Variants in GNAI3 observed in about 807,000 individuals in gnomAD.
GNAI3 encodes the protein guanine nucleotide-binding protein G(i) subunit alpha-3.
GNAI3 carries 12 observed loss-of-function variants against 41.8 expected under a neutral mutation model. The observed-to-expected ratio is 0.29, with a 90% CI of 0.18 to 0.47. The LOEUF is 0.47. Ranked by LOEUF, GNAI3 falls within the 20% of genes least tolerant of loss-of-function variation. The pLI, the probability that GNAI3 is intolerant of heterozygous loss-of-function variation, is 1.00. For synonymous variants in GNAI3, 132 were observed against 146.5 expected (o/e 0.90, Z 0.71); for missense variants, 360 against 429.6 (o/e 0.84, Z 1.43).
At chr1:109,556,585 C>T (rs1648162022) in intron 1 of GNAI3, among the ~76,000 whole-genome samples, 2 of 152,176 alleles carry the variant, frequency 1.3e-5, no homozygotes. Context: ...TATTAATGAA[C>T]TATATCCTGC....
At position 109,585,551 on chromosome 1, in the gene GNAI3, AAAAC is replaced by A. The variant is rs144317797; in HGVS notation, c.591-660_591-657del. The stretch of plus-strand genomic sequence containing the variant: ...CTCTAATTTTTTTTTTAAGGTAAGG[AAAAC>A]AAACTTAATAGGGAGAAGTTATGGA... On this transcript the variant is annotated intron_variant, in intron 5 of 8. Coordinates refer to ENST00000369851, the MANE Select transcript of GNAI3 (RefSeq NM_006496.4). 9.4e-3 allele frequency among the ~76,000 whole-genome samples: 1,436 copies of A among 152,220 alleles called. 20 individuals carry two copies. The highest frequency in any genetic ancestry group is 0.033 in the African/African-American group (1,367 of 41,532).
Position 109,593,716 on chromosome 1 carries a change from TCATTTTGCAGATTTA to T in GNAI3, c.*1403_*1417del, listed in dbSNP as rs1649226155. On this transcript the variant is annotated 3_prime_UTR_variant, in exon 9 of 9. Transcript: ENST00000369851. ...CATATGAGTGATATGTGATCATGAT[TCATTTTGCAGATTTA>T]CATTTTGCTTGTGTGGAAAGTTACG... 1 of 152,672 alleles carries T rather than the reference TCATTTTGCAGATTTA, an allele frequency of 6.5e-6. No individual in the cohort carries two copies. The highest frequency in any genetic ancestry group is 1.5e-5 in the Non-Finnish European group (1 of 68,040). 9.5% of individuals were successfully genotyped at this position (152,672 alleles called of 1,614,324 possible).
intron 1 of GNAI3, among the ~76,000 whole-genome samples, chr1:109,568,815 T>C (rs1648521647): frequency 1.3e-5 from 2 of 152,092 alleles, no homozygotes; most frequent in African/African-American, 4.8e-5. Context: ...GGATTACAGG[T>C]GTGTGCTACC....
At position 109,595,441 on chromosome 1, in the gene GNAI3, A is replaced by G. The variant is rs552163167; in HGVS notation, c.*3119A>G. ...GGATCGTTATTTTTCACAAGGTACT[A>G]CATTCTTACAATGTAAGACTAGATG... On this transcript the variant is annotated 3_prime_UTR_variant, in exon 9 of 9. Coordinates refer to ENST00000369851, the MANE Select transcript of GNAI3 (RefSeq NM_006496.4). 2 of 152,330 alleles carry G rather than the reference A, an allele frequency of 1.3e-5. No homozygotes were observed. Among genetic ancestry groups the G allele is most frequent in the East Asian group, 3.9e-4 (2 of 5,184 alleles). The allele number at this position is 152,330 out of a possible 1,614,324, so 9.4% of individuals were successfully genotyped here.
chr1:109,564,340 C>T (rs1032720506), intron 1 of GNAI3, among the ~76,000 whole-genome samples: 5 of 151,272 alleles, frequency 3.3e-5, no homozygotes, highest in Admixed American at 2.6e-4. Context: ...TGGTCCCATC[C>T]GTTTGTTTTT....
rs531256712 is a variant in GNAI3 at position 109,599,677 on chromosome 1, C to G, written c.*7355C>G. 1.3e-5 allele frequency: 2 copies of G among 152,286 alleles called. No individual in the cohort carries two copies. The highest frequency in any genetic ancestry group is 4.1e-4 in the South Asian group (2 of 4,828). The allele number at this position is 152,286 out of a possible 1,614,324, so 9.4% of individuals were successfully genotyped here. A position where few individuals can be genotyped will look rare whatever the true frequency, so the allele number is the denominator to read the frequency against. Reference sequence around the variant, plus strand: ...TATGAAGAGGAAATTTTACCTTCAACAAACAAGCAAACTTAGTTATATTTT... The same window carrying G: ...TATGAAGAGGAAATTTTACCTTCAAGAAACAAGCAAACTTAGTTATATTTT... On this transcript the variant is annotated 3_prime_UTR_variant, in exon 9 of 9. Coordinates refer to ENST00000369851, the MANE Select transcript of GNAI3 (RefSeq NM_006496.4).
At chr1:109,583,439 T>C (rs1011747565) in intron 5 of GNAI3, among the ~76,000 whole-genome samples, 1 of 152,174 alleles carries the variant, frequency 6.6e-6, no homozygotes, top group African/African-American at 2.4e-5. Context: ...GGTCTCAAAC[T>C]CCTGGGCTCA....
chr1:109,557,345 A>G (rs530132248), intron 1 of GNAI3, among the ~76,000 whole-genome samples: 2 of 152,248 alleles, frequency 1.3e-5, no homozygotes, highest in East Asian at 3.9e-4. Flanking sequence ...ATGGTTATTT[A>G]TATACTTACC....
At chr1:109,553,710 C>CT (rs1294455814) in intron 1 of GNAI3, among the ~76,000 whole-genome samples, 1 of 152,068 alleles carries the variant, frequency 6.6e-6, no homozygotes, top group Non-Finnish European at 1.5e-5. Context: ...GCATTAGTCA[C>CT]TTTTTTAACA....
chr1:109,583,615 T>C (rs1648952278), intron 5 of GNAI3, among the ~76,000 whole-genome samples: 1 of 152,118 alleles, frequency 6.6e-6, no homozygotes. Context: ...GGAGTCTTGC[T>C]CTGTTGCCAG....
intron 3 of GNAI3, among the ~76,000 whole-genome samples, chr1:109,578,850 A>G (rs1648821664): frequency 6.6e-6 from 1 of 152,136 alleles, no homozygotes; most frequent in South Asian, 2.1e-4. Context: ...TAGAACGGGA[A>G]TGTTTTACAT....
At chr1:109,578,029 G>A (rs1648795014) in intron 3 of GNAI3, among the ~76,000 whole-genome samples, 1 of 152,036 alleles carries the variant, frequency 6.6e-6, no homozygotes, top group Non-Finnish European at 1.5e-5. Context: ...ATTAGATGTG[G>A]ATGGGAAAAT....
chr1:109,582,454 A>G lies in GNAI3; in HGVS notation c.479A>G (p.Asp160Gly), dbSNP rs773969643. The change falls in exon 5 of 9, where the codon GAT becomes GGT. Residue 160 changes from aspartate to glycine, a missense_variant. Asp to Gly is a moderately conservative substitution (Grantham distance 94). Coordinates refer to ENST00000369851, the MANE Select transcript of GNAI3 (RefSeq NM_006496.4). Reference sequence around the variant, plus strand: ...TTATTTAGTTATCTAAATGATCTGGATAGAATATCCCAGTCTAACTACATT... The same window carrying G: ...TTATTTAGTTATCTAAATGATCTGGGTAGAATATCCCAGTCTAACTACATT... Reference protein sequence around the residue: ...DSASYYLNDLDRISQSNYIPT... With the variant: ...DSASYYLNDLGRISQSNYIPT... The G allele has an allele frequency of 1.2e-6, 2 of 1,606,860 alleles. No homozygotes were observed. Among genetic ancestry groups the G allele is most frequent in the East Asian group, 2.2e-5 (1 of 44,826 alleles).
chr1:109,555,642 G>A (rs1393544039), intron 1 of GNAI3, among the ~76,000 whole-genome samples: 3 of 151,936 alleles, frequency 2.0e-5, no homozygotes, highest in East Asian at 1.9e-4. Context: ...TCTAATAAGC[G>A]CTGCTACTAC....
rs905577360 is a variant in GNAI3 at position 109,564,282 on chromosome 1, T to A, written c.119-9455T>A. ...CTGCCTTTATTTTATTTATTTATTTTTTTTGCTTTCTTACCTTTGCTTGTT... is the reference window on the plus strand; with the variant it reads ...CTGCCTTTATTTTATTTATTTATTTATTTTGCTTTCTTACCTTTGCTTGTT... On this transcript the variant is annotated intron_variant, in intron 1 of 8. Transcript: ENST00000369851. Among the ~76,000 whole-genome samples, 6 of 152,156 alleles carry A rather than the reference T, an allele frequency of 3.9e-5. No homozygotes were observed. The East Asian group carries it at 7.7e-4, about 19-fold the overall frequency.
At chr1:109,566,897 AG>A (rs1354062139) in intron 1 of GNAI3, among the ~76,000 whole-genome samples, 1 of 152,170 alleles carries the variant, frequency 6.6e-6, no homozygotes, top group East Asian at 1.9e-4. Context: ...CTGAATTTTT[AG>A]AGTTACATAC....
chr1:109,591,419 A>G, intron 7 of GNAI3: 2 of 641,770 alleles, frequency 3.1e-6, no homozygotes, highest in Non-Finnish European at 2.7e-6. Flanking sequence ...GGACATCTAA[A>G]AGCAAACTGT....
chr1:109,591,547 G>C (rs183132270), intron 7 of GNAI3: 2 of 726,304 alleles, frequency 2.8e-6, no homozygotes, highest in African/African-American at 1.8e-5. Context: ...AATATGGAAC[G>C]CTTCACGAAT....
At chr1:109,590,287 C>A (rs1649136816) in intron 7 of GNAI3, among the ~76,000 whole-genome samples, 1 of 152,152 alleles carries the variant, frequency 6.6e-6, no homozygotes, top group South Asian at 2.1e-4. Flanking sequence ...ATGTTGAAGG[C>A]CCAGCTTAGA....
Sources: gnomAD v4.1 joint callset for allele counts (sites outside exome capture counted in the v4.1 genomes callset) on GRCh38, gnomAD v4.1.1 for gene constraint, MANE v1.5 for transcripts, NCBI Gene and HGNC (gene_info 2026-07-23, HGNC 2026-07-21) for gene names.